FAM227A: variants seen among roughly 807,000 people sequenced by gnomAD.
The protein encoded by FAM227A is family with sequence similarity 227 member A.
Under a neutral mutation model 74.7 loss-of-function variants are expected in FAM227A, and 80 were observed. The ratio of observed to expected loss-of-function variants is 1.07; its 90% CI spans 0.89 to 1.29. The LOEUF is 1.29. Ranked by LOEUF, FAM227A falls within the 50% of genes most tolerant of loss-of-function variation. FAM227A has a pLI of 0.00. For missense variants in FAM227A, 654 were observed against 683.4 expected, an observed-to-expected ratio of 0.96 and a Z score of 0.48; for synonymous variants, 237 against 241.8, an observed-to-expected ratio of 0.98 and a Z score of 0.19.
At chr22:38,617,055 C>T (rs1281851195) in intron 11 of FAM227A, among the ~76,000 whole-genome samples, 2 of 151,864 alleles carry the variant, frequency 1.3e-5, no homozygotes, top group African/African-American at 2.4e-5. Flanking sequence ...GGGAAGGACA[C>T]GCTGCAGGGG....
intron 8 of FAM227A, among the ~76,000 whole-genome samples, chr22:38,627,993 G>GGT (rs1413256775): frequency 6.6e-6 from 1 of 151,780 alleles, no homozygotes; most frequent in Non-Finnish European, 1.5e-5. Context: ...TCTATTCATA[G>GGT]GTATATATAT....
At chr22:38,646,736 AG>A (rs1326578453) in intron 2 of FAM227A, among the ~76,000 whole-genome samples, 2 of 152,048 alleles carry the variant, frequency 1.3e-5, no homozygotes, top group African/African-American at 4.8e-5. Flanking sequence ...CTTTGGCTAA[AG>A]GAGCTTCATG....
intron 3 of FAM227A, among the ~76,000 whole-genome samples, chr22:38,641,903 A>C (rs969729501): frequency 2.0e-5 from 3 of 152,166 alleles, no homozygotes; most frequent in Non-Finnish European, 2.9e-5. Context: ...AGCCTGCTAC[A>C]CAACAGCTAC....
At chr22:38,587,897 T>G (rs1032345933) in intron 16 of FAM227A, among the ~76,000 whole-genome samples, 4 of 152,196 alleles carry the variant, frequency 2.6e-5, no homozygotes, top group Admixed American at 2.0e-4. Context: ...GTAGTTCCCC[T>G]CAGTGAAACA....
At chr22:38,628,715 G>A in intron 7 of FAM227A, 119 bp downstream of exon 7, 1 of 699,324 alleles carries the variant, frequency 1.4e-6, no homozygotes, top group South Asian at 1.7e-5. Context: ...GGTGACAGGG[G>A]AGGCTGTGGG....
chr22:38,653,721 C>G (rs1214414537), intron 1 of FAM227A: 1 of 152,142 alleles, frequency 6.6e-6, no homozygotes, highest in African/African-American at 2.4e-5. Flanking sequence ...CATCCCAGGT[C>G]TGTGTAAAAA....
chr22:38,629,538 G>A (rs1260314307), intron 6 of FAM227A, among the ~76,000 whole-genome samples: 4 of 152,238 alleles, frequency 2.6e-5, no homozygotes, highest in African/African-American at 9.6e-5. Flanking sequence ...GTGGTAGGTA[G>A]TACAGTTATC....
intron 10 of FAM227A, among the ~76,000 whole-genome samples, chr22:38,622,941 A>G (rs911479513): frequency 1.3e-5 from 2 of 150,996 alleles, no homozygotes; most frequent in African/African-American, 4.9e-5. Context: ...ACAGGTAGAC[A>G]CTCATTATCT....
rs1200727890 is a variant in FAM227A at position 38,582,744 on chromosome 22, G to A, written c.*3381C>T. ...AAGGAGACCTTCTTGCTGTATGGGG[G>A]CTAATAGTAGCGGTGGATAGGTAGA... On this transcript the variant is annotated 3_prime_UTR_variant, in exon 17 of 17. Coordinates refer to ENST00000535113, the MANE Select transcript of FAM227A (RefSeq NM_001013647.2). 1 of 1,339,678 alleles carries A rather than the reference G, an allele frequency of 7.5e-7. No individual in the cohort carries two copies. 83.0% of individuals were successfully genotyped at this position (1,339,678 alleles called of 1,614,324 possible). A position where few individuals can be genotyped will look rare whatever the true frequency, so the allele number is the denominator to read the frequency against.
chr22:38,612,565 G>T (rs1360308921), intron 11 of FAM227A, among the ~76,000 whole-genome samples: 1 of 152,068 alleles, frequency 6.6e-6, no homozygotes, highest in Non-Finnish European at 1.5e-5. Flanking sequence ...CCACATATGT[G>T]AAACCCATCC....
chr22:38,619,975 C>T (rs1350911268), intron 11 of FAM227A, among the ~76,000 whole-genome samples: 1 of 152,174 alleles, frequency 6.6e-6, no homozygotes, highest in Non-Finnish European at 1.5e-5. Flanking sequence ...CTGGTTCCTT[C>T]CCTCTCTCTT....
At chr22:38,588,596 G>T (rs1468600136) in intron 16 of FAM227A, among the ~76,000 whole-genome samples, 1 of 133,096 alleles carries the variant, frequency 7.5e-6, no homozygotes, top group African/African-American at 2.9e-5. Context: ...TCCAGCCTGG[G>T]TAACAGAGTG....
At chr22:38,631,135 T>C (rs1397123878) in intron 6 of FAM227A, among the ~76,000 whole-genome samples, 4 of 151,950 alleles carry the variant, frequency 2.6e-5, no homozygotes, top group Non-Finnish European at 5.9e-5. Context: ...ACCACTCTAC[T>C]CCAGCCTGGG....
chr22:38,629,393 C>T (rs535458682), intron 6 of FAM227A, among the ~76,000 whole-genome samples: 8 of 152,376 alleles, frequency 5.3e-5, no homozygotes, highest in Non-Finnish European at 5.9e-5. Context: ...CTTCCGTTGT[C>T]ATACAACTGG....
chr22:38,585,079 G>C lies in FAM227A; in HGVS notation c.*1046C>G, dbSNP rs2090777726. ...CAAAGTGCTGGGATTACAGGTGTGA[G>C]CCACCACGCCTGGCCTAATTTAAAA... On this transcript the variant is annotated 3_prime_UTR_variant, in exon 17 of 17. Transcript: ENST00000535113. 1 of 152,106 alleles carries C rather than the reference G, an allele frequency of 6.6e-6. No individual in the cohort carries two copies. Among genetic ancestry groups the C allele is most frequent in the Admixed American group, 6.5e-5 (1 of 15,276 alleles). The allele number at this position is 152,106 out of a possible 1,614,324, so 9.4% of individuals were successfully genotyped here. A position where few individuals can be genotyped will look rare whatever the true frequency, so the allele number is the denominator to read the frequency against.
At chr22:38,600,083 G>C (rs1822312451) in intron 13 of FAM227A, among the ~76,000 whole-genome samples, 162 bp from the exon 14 acceptor site, 1 of 152,000 alleles carries the variant, frequency 6.6e-6, no homozygotes, top group South Asian at 2.1e-4. Flanking sequence ...AAAAGGTCAA[G>C]GGGCAAAGAT....
At chr22:38,653,249 G>A (rs1435416859) in intron 1 of FAM227A, among the ~76,000 whole-genome samples, 1 of 152,140 alleles carries the variant, frequency 6.6e-6, no homozygotes, top group African/African-American at 2.4e-5. Context: ...CTCCCAGATA[G>A]ACTGTCTAGT....
chr22:38,623,323 A>T, intron 9 of FAM227A, 44 bp from the exon 10 acceptor site: 1 of 1,333,880 alleles, frequency 7.5e-7, no homozygotes. Context: ...GGTGCGGTGG[A>T]TCACGCCTGT....
rs1045969915 is a variant in FAM227A at position 38,623,215 on chromosome 22, G to A, written c.915C>T (p.Phe305=). 1 of 1,551,664 alleles carries A rather than the reference G, an allele frequency of 6.4e-7. No individual in the cohort carries two copies. Among genetic ancestry groups the A allele is most frequent in the South Asian group, 1.2e-5 (1 of 84,062 alleles). Residue 305 remains phenylalanine, a synonymous_variant, in exon 10 of 17, where the codon TTC becomes TTT. Transcript: ENST00000535113. ...TGTACAACATTAATTCTTCTCTGCGGAATCGCTCTGGGTCTAGTTCCGAGT... is the reference window on the plus strand; with the variant it reads ...TGTACAACATTAATTCTTCTCTGCGAAATCGCTCTGGGTCTAGTTCCGAGT... ...WDYSELDPER[F]RREELMLYRR...
Sources: allele counts gnomAD v4.1 joint callset (sites outside exome capture counted in the v4.1 genomes callset), GRCh38; gene constraint gnomAD v4.1.1; transcripts MANE v1.5; gene names NCBI Gene and HGNC (gene_info 2026-07-23, HGNC 2026-07-21).